EBAG9: variants seen among roughly 807,000 people sequenced by gnomAD.
EBAG9 encodes the protein receptor-binding cancer antigen expressed on SiSo cells.
In EBAG9, 16 loss-of-function variants were observed where a neutral mutation model predicts 30.9. The ratio of observed to expected loss-of-function variants is 0.52; its 90% CI spans 0.35 to 0.79. The LOEUF is 0.79. EBAG9 is among the 30% of genes least tolerant of loss of function. The probability of loss-of-function intolerance (pLI) is 0.01; values close to 1 mark genes in which losing one functional copy is unlikely to be tolerated. For synonymous variants in EBAG9, 93 were observed against 82.8 expected (o/e 1.12, Z -0.67); for missense variants, 197 against 242.1 (o/e 0.81, Z 1.24).
intron 1 of EBAG9, among the ~76,000 whole-genome samples, chr8:109,543,511 T>G (rs559655685): frequency 5.3e-5 from 8 of 152,320 alleles, no homozygotes; most frequent in Admixed American, 5.2e-4. Flanking sequence ...TTTGGAACTT[T>G]CGTATTGAGG....
At chr8:109,562,296 C>G (rs369131489) in intron 6 of EBAG9, among the ~76,000 whole-genome samples, 10 of 152,094 alleles carry the variant, frequency 6.6e-5, no homozygotes, top group African/African-American at 2.4e-4. Flanking sequence ...CTTTTTCATT[C>G]TAGCCTCTTA....
chr8:109,564,351 TA>T, intron 6 of EBAG9, 87 bp from the exon 7 acceptor site: 1 of 1,507,546 alleles, frequency 6.6e-7, no homozygotes, highest in Non-Finnish European at 9.0e-7. Context: ...TTGGTGATAA[TA>T]AAAAGGCACT....
At chr8:109,550,521 T>C (rs1463776203) in intron 1 of EBAG9, 1 of 233,370 alleles carries the variant, frequency 4.3e-6, no homozygotes, top group Non-Finnish European at 8.1e-6. Flanking sequence ...ATTTTATACT[T>C]TTTTATTTTT....
intron 2 of EBAG9, among the ~76,000 whole-genome samples, 183 bp from the exon 3 acceptor site, chr8:109,553,682 T>A (rs1232580244): frequency 6.6e-6 from 1 of 152,334 alleles, no homozygotes; most frequent in Non-Finnish European, 1.5e-5. Flanking sequence ...TAAAAAACAT[T>A]CACAGGATGT....
At position 109,550,890 on chromosome 8, in the gene EBAG9, A is replaced by C. The variant is rs1401066740; in HGVS notation, c.66A>C (p.Leu22=). 1.3e-6 allele frequency: 2 copies of C among 1,586,568 alleles called. No individual in the cohort carries two copies. Among genetic ancestry groups the C allele is most frequent in the Admixed American group, 3.4e-5 (2 of 58,382 alleles). The change falls in exon 2 of 7, where the codon CTA becomes CTC. Residue 22 remains leucine (L), a synonymous_variant. Coordinates refer to ENST00000337573, the MANE Select transcript of EBAG9 (RefSeq NM_004215.5). ...GCCTAGCAACAGTATTCTCATTCCTAAAGAGATTAATATGCAGGTAAATAA... is the reference window on the plus strand; with the variant it reads ...GCCTAGCAACAGTATTCTCATTCCTCAAGAGATTAATATGCAGGTAAATAA... ...CTCLATVFSF[L]KRLICRSGRG...
At chr8:109,560,736 A>T (rs1821693815) in intron 5 of EBAG9, 102 bp from the exon 6 acceptor site, 2 of 786,590 alleles carry the variant, frequency 2.5e-6, no homozygotes, top group African/African-American at 3.5e-5. Flanking sequence ...ACATAGGAGA[A>T]TGACAGGTTC....
intron 4 of EBAG9, among the ~76,000 whole-genome samples, chr8:109,556,071 C>G (rs1205319643): frequency 6.6e-6 from 1 of 152,052 alleles, no homozygotes; most frequent in East Asian, 1.9e-4. Context: ...ACCATTCCCT[C>G]TCCTTTATTC....
At chr8:109,563,003 A>T (rs1821740651) in intron 6 of EBAG9, among the ~76,000 whole-genome samples, 1 of 152,002 alleles carries the variant, frequency 6.6e-6, no homozygotes, top group Non-Finnish European at 1.5e-5. Flanking sequence ...CCAGCCCTTT[A>T]TAATTTTTTC....
chr8:109,556,885 G>T, intron 4 of EBAG9, 50 bp from the exon 5 acceptor site: 1 of 944,586 alleles, frequency 1.1e-6, no homozygotes, highest in Non-Finnish European at 1.5e-6. Context: ...CTATTTTTAT[G>T]TAGTGATTTG....
intron 2 of EBAG9, among the ~76,000 whole-genome samples, chr8:109,551,262 G>A (rs1821488552): frequency 2.0e-5 from 3 of 151,252 alleles, no homozygotes; most frequent in Admixed American, 2.0e-4. Context: ...TTCGGAATAG[G>A]TATTTCTGTC....
chr8:109,550,019 C>T (rs1821460940), intron 1 of EBAG9, among the ~76,000 whole-genome samples: 1 of 152,026 alleles, frequency 6.6e-6, no homozygotes, highest in Non-Finnish European at 1.5e-5. Flanking sequence ...CTAACAATCT[C>T]TGCTTTTCAA....
intron 1 of EBAG9, among the ~76,000 whole-genome samples, chr8:109,542,110 TTTGAG>T (rs1344997520): frequency 6.6e-6 from 1 of 152,204 alleles, no homozygotes; most frequent in African/African-American, 2.4e-5. Context: ...AAGATGGCTT[TTTGAG>T]TTGTGTGTTA....
chr8:109,560,955 A>G (rs1415844785), intron 6 of EBAG9, 26 bp downstream of exon 6: 3 of 1,583,158 alleles, frequency 1.9e-6, no homozygotes, highest in Non-Finnish European at 2.6e-6. Flanking sequence ...TTATATTGCA[A>G]CCTGAGTAGA....
chr8:109,541,122 A>T (rs1380765786), intron 1 of EBAG9, among the ~76,000 whole-genome samples: 1 of 152,134 alleles, frequency 6.6e-6, no homozygotes, highest in Non-Finnish European at 1.5e-5. Context: ...AAAAGCCTTA[A>T]TGAGGATACA....
intron 1 of EBAG9, among the ~76,000 whole-genome samples, chr8:109,548,732 T>G (rs1821433507): frequency 6.6e-6 from 1 of 151,998 alleles, no homozygotes; most frequent in Non-Finnish European, 1.5e-5. Flanking sequence ...CTATATAAAT[T>G]TTTTTAACGT....
rs1205857727 is a variant in EBAG9 at position 109,564,452 on chromosome 8, G to A, written c.535G>A (p.Ala179Thr). 4 of 1,612,168 alleles carry A rather than the reference G, an allele frequency of 2.5e-6. No homozygotes were observed. In the African/African-American group the frequency reaches 5.3e-5, roughly 22 times the overall value. Residue 179 changes from alanine (A) to threonine (T), a missense_variant, in exon 7 of 7, where the codon GCA becomes ACA. Ala to Thr is a moderately conservative substitution (Grantham distance 58). Transcript: ENST00000337573. ...AEEVLRQQKLADREKRAAEQQ... is the reference protein window; with the variant it reads ...AEEVLRQQKLTDREKRAAEQQ... ...GTTTCTTTTCAGACAGCAGAAACTA[G>A]CAGACAGAGAAAAGAGAGCAGCCGA...
At chr8:109,556,213 G>C (rs1281417225) in intron 4 of EBAG9, among the ~76,000 whole-genome samples, 3 of 151,714 alleles carry the variant, frequency 2.0e-5, no homozygotes. Context: ...ATAAAAATTA[G>C]GACATTATTT....
intron 2 of EBAG9, among the ~76,000 whole-genome samples, chr8:109,553,449 G>C (rs1821532933): frequency 6.6e-6 from 1 of 152,092 alleles, no homozygotes; most frequent in Admixed American, 6.5e-5. Context: ...CTTCTTAATA[G>C]TTAATCTTAT....
At chr8:109,539,994 C>G (rs1008510102), upstream of EBAG9, 2 of 152,808 alleles carry the variant, frequency 1.3e-5, no homozygotes, top group East Asian at 1.9e-4. Flanking sequence ...CAGCCCTAGC[C>G]TCTGGGGCAT....
Sources: gnomAD v4.1 joint callset for allele counts (sites outside exome capture counted in the v4.1 genomes callset) on GRCh38, gnomAD v4.1.1 for gene constraint, MANE v1.5 for transcripts, NCBI Gene and HGNC (gene_info 2026-07-23, HGNC 2026-07-21) for gene names.